The following UGT1A8 variants were observed in gnomAD, a reference collection of about 807,000 sequenced individuals.
UGT1A8 encodes UDP glucuronosyltransferase family 1 member A8.
A neutral mutation model predicts 45.3 loss-of-function variants in UGT1A8; 39 were observed. That is an observed-to-expected ratio of 0.86 (90% confidence interval 0.67 to 1.12). The LOEUF is 1.12. Ranked by LOEUF, UGT1A8 falls within the 50% of genes most tolerant of loss-of-function variation. The pLI is 0.00. For synonymous variants in UGT1A8, 275 were observed against 249.2 expected (o/e 1.10, Z -0.97); for missense variants, 719 against 664.9 (o/e 1.08, Z -0.90).
chr2:233,772,588 TG>T lies in UGT1A8; in HGVS notation c.*30del, dbSNP rs774491304. The T allele has an allele frequency of 1.9e-6, 3 of 1,604,040 alleles. No homozygotes were observed. The South Asian group carries it at 3.3e-5, about 18-fold the overall frequency. On this transcript the variant is annotated 3_prime_UTR_variant, in exon 5 of 5. Transcript: ENST00000373450. ...GTGGGTGGGAAATAAGGTAAAATTT[TG>T]AACCATTCCCTAGTCATTTCCAAAC...
chr2:233,640,590 A>G (rs186431624), intron 1 of UGT1A8, among the ~76,000 whole-genome samples: 24 of 152,274 alleles, frequency 1.6e-4, no homozygotes, highest in Admixed American at 1.5e-3. Context: ...TCAATTGAGT[A>G]AGTTCCAAAT....
At chr2:233,636,350 G>A (rs541507238) in intron 1 of UGT1A8, 38 of 1,152,652 alleles carry the variant, frequency 3.3e-5, no homozygotes, top group Non-Finnish European at 3.7e-5. Context: ...AATGATACTC[G>A]TGTGTTATCG....
At chr2:233,689,794 G>A (rs867231935) in intron 1 of UGT1A8, 1 of 429,096 alleles carries the variant, frequency 2.3e-6, no homozygotes. Flanking sequence ...GATGTGATCT[G>A]TAGTTTCTAT....
chr2:233,760,716 C>T (rs1697538425), intron 1 of UGT1A8: 9 of 1,614,218 alleles, frequency 5.6e-6, no homozygotes, highest in East Asian at 2.2e-5. Context: ...TGGCAGAAAG[C>T]AGCTTTGATG....
intron 4 of UGT1A8, chr2:233,770,921 G>C (rs759022692): frequency 6.6e-6 from 1 of 152,192 alleles, no homozygotes; most frequent in Non-Finnish European, 1.5e-5. Context: ...GCTTAGTGCT[G>C]ACATCACTTG....
intron 1 of UGT1A8, chr2:233,637,192 T>C: frequency 6.2e-7 from 1 of 1,613,974 alleles, no homozygotes; most frequent in Non-Finnish European, 8.5e-7. Context: ...CCAGTATCTT[T>C]TTAGAAATGC....
Position 233,738,328 on chromosome 2 carries a change from T to C in UGT1A8, c.856-28706T>C, listed in dbSNP as rs1690764022. 1.3e-5 allele frequency among the ~76,000 whole-genome samples: 2 copies of C among 152,220 alleles called. 1 individual carries two copies. Among genetic ancestry groups the C allele is most frequent in the South Asian group, 4.1e-4 (2 of 4,828 alleles). On this transcript the variant is annotated intron_variant, in intron 1 of 4. Coordinates refer to ENST00000373450, the MANE Select transcript of UGT1A8 (RefSeq NM_019076.5). ...TTATAGCAGTGTGTGAATGGACTAA[T>C]ACAGTAAATTGGTGTCATGGAGAGT...
At chr2:233,619,232 A>G (rs1462671446) in intron 1 of UGT1A8, among the ~76,000 whole-genome samples, 4 of 152,170 alleles carry the variant, frequency 2.6e-5, no homozygotes, top group African/African-American at 7.2e-5. Context: ...TTGCCAATAA[A>G]TTGTAGATTC....
chr2:233,619,980 G>A (rs532779182), intron 1 of UGT1A8, among the ~76,000 whole-genome samples: 8 of 152,186 alleles, frequency 5.3e-5, no homozygotes, highest in African/African-American at 1.9e-4. Context: ...AAGATTCTTG[G>A]CAAACGCATA....
intron 1 of UGT1A8, among the ~76,000 whole-genome samples, chr2:233,661,828 G>A (rs17862851): frequency 0.042 from 6,394 of 151,270 alleles, 159 homozygotes; most frequent in Non-Finnish European, 0.061. Flanking sequence ...AGCACTTGAG[G>A]CATCACTAGC....
chr2:233,639,143 T>G (rs889380102), intron 1 of UGT1A8, among the ~76,000 whole-genome samples: 6 of 152,204 alleles, frequency 3.9e-5, no homozygotes, highest in African/African-American at 9.7e-5. Context: ...TAGAGGGATA[T>G]CTATAAAAAA....
At chr2:233,721,562 G>T in intron 1 of UGT1A8, 1 of 161,272 alleles carries the variant, frequency 6.2e-6, no homozygotes, top group Non-Finnish European at 1.4e-5. Flanking sequence ...GTTTCTTCTG[G>T]GATATCTTTT....
At chr2:233,754,291 C>A in intron 1 of UGT1A8, 1 of 232,626 alleles carries the variant, frequency 4.3e-6, no homozygotes. Flanking sequence ...ACATTCTGTC[C>A]TAGCACTAGG....
chr2:233,709,243 A>C (rs2125614867), intron 1 of UGT1A8, among the ~76,000 whole-genome samples: 1 of 152,276 alleles, frequency 6.6e-6, no homozygotes, highest in South Asian at 2.1e-4. Context: ...GGCCGCTGGG[A>C]TGAGATAGGA....
chr2:233,655,616 C>CA (rs2073836783), intron 1 of UGT1A8, among the ~76,000 whole-genome samples: 2 of 151,784 alleles, frequency 1.3e-5, no homozygotes, highest in Non-Finnish European at 2.9e-5. Context: ...TGTGTTTCGC[C>CA]AAAAGAGTTT....
At position 233,768,551 on chromosome 2, in the gene UGT1A8, A is replaced by G. The variant is rs1699641302; in HGVS notation, c.1295+112A>G. The G allele has an allele frequency of 4.1e-6, 6 of 1,478,370 alleles. No individual in the cohort carries two copies. The East Asian group carries it at 1.5e-4, about 37-fold the overall frequency. 91.6% of individuals were successfully genotyped at this position (1,478,370 alleles called of 1,614,324 possible). A position where few individuals can be genotyped will look rare whatever the true frequency, so the allele number is the denominator to read the frequency against. The stretch of plus-strand genomic sequence containing the variant: ...ATAGCGTTGTTTCAAATATAAAAAC[A>G]AATACATAAAAATCTGGATTTTTAT... On this transcript the variant is annotated intron_variant, in intron 4 of 4. Transcript: ENST00000373450.
chr2:233,769,998 C>A lies in UGT1A8; in HGVS notation c.1295+1559C>A. The stretch of plus-strand genomic sequence containing the variant: ...AGGATGTCCTGCTCACATATCAATA[C>A]CATTAAAACCTGACTTCTTTCCCTG... On this transcript the variant is annotated intron_variant, in intron 4 of 4. Coordinates refer to ENST00000373450, the MANE Select transcript of UGT1A8 (RefSeq NM_019076.5). The surrounding 1 kb of genome is among the most constrained non-coding windows in gnomAD (Gnocchi z 4.4). 5.7e-6 allele frequency: 1 copy of A among 174,584 alleles called. No homozygotes were observed. The highest frequency in any genetic ancestry group is 1.2e-5 in the Non-Finnish European group (1 of 82,536). The allele number at this position is 174,584 out of a possible 1,614,324, so 10.8% of individuals were successfully genotyped here. A position where few individuals can be genotyped will look rare whatever the true frequency, so the allele number is the denominator to read the frequency against.
At chr2:233,636,415 A>T (rs1429283099) in intron 1 of UGT1A8, 46 of 1,467,342 alleles carry the variant, frequency 3.1e-5, no homozygotes, top group Admixed American at 9.9e-5. Flanking sequence ...TTATGAAAGG[A>T]TAAATACACG....
At chr2:233,637,360 G>A (rs267599269) in intron 1 of UGT1A8, 1 of 1,613,204 alleles carries the variant, frequency 6.2e-7, no homozygotes, top group Admixed American at 1.7e-5. Flanking sequence ...CTGTCATCAG[G>A]GAAAGCCATT....
Sources: gnomAD v4.1 joint callset for allele counts (sites outside exome capture counted in the v4.1 genomes callset) on GRCh38, gnomAD v4.1.1 for gene constraint, Gnocchi (gnomAD v3.1) non-coding constraint, MANE v1.5 for transcripts, NCBI Gene and HGNC (gene_info 2026-07-23, HGNC 2026-07-21) for gene names.